FAM227A: variants seen among roughly 807,000 people sequenced by gnomAD.
FAM227A encodes the protein family with sequence similarity 227 member A.
FAM227A carries 80 observed loss-of-function variants against 74.7 expected under a neutral mutation model. The observed-to-expected ratio is 1.07, with a 90% CI of 0.89 to 1.29. The LOEUF (loss-of-function observed/expected upper bound fraction) is 1.29, where lower values mean the gene tolerates loss of function less well. Ranked by LOEUF, FAM227A falls within the 50% of genes most tolerant of loss-of-function variation. The pLI, the probability that FAM227A is intolerant of heterozygous loss-of-function variation, is 0.00. For synonymous variants in FAM227A, 237 were observed against 241.8 expected (o/e 0.98, Z 0.19); for missense variants, 654 against 683.4 (o/e 0.96, Z 0.48).
At chr22:38,604,350 A>T (rs942959314) in intron 13 of FAM227A, among the ~76,000 whole-genome samples, 40 of 152,100 alleles carry the variant, frequency 2.6e-4, no homozygotes, top group African/African-American at 9.7e-4. Flanking sequence ...AAAAAACAAG[A>T]AATCTACATT....
chr22:38,596,596 T>C (rs749645710), intron 15 of FAM227A, among the ~76,000 whole-genome samples: 8 of 152,156 alleles, frequency 5.3e-5, no homozygotes, highest in Non-Finnish European at 1.0e-4. Flanking sequence ...GAATTTGGAT[T>C]AGCTATTAGA....
At chr22:38,603,487 C>CAA (rs71197122) in intron 13 of FAM227A, among the ~76,000 whole-genome samples, 4,472 of 122,956 alleles carry the variant, frequency 0.036, 238 homozygotes, top group African/African-American at 0.12. Flanking sequence ...GACTCCGTCT[C>CAA]AAAAAAAAAA....
rs1200244868 is a variant in FAM227A, at chr22:38,580,137, T to C, written c.*5988A>G. 6.6e-6 allele frequency: 1 copy of C among 152,232 alleles called. No individual in the cohort carries two copies. The highest frequency in any genetic ancestry group is 1.9e-4 in the East Asian group (1 of 5,202). 9.4% of individuals were successfully genotyped at this position (152,232 alleles called of 1,614,324 possible). A position where few individuals can be genotyped will look rare whatever the true frequency, so the allele number is the denominator to read the frequency against. On this transcript the variant is annotated 3_prime_UTR_variant, in exon 17 of 17. Transcript: ENST00000535113. ...GGTCTCACTATGTTACCCGGTTTGG[T>C]CTCACCTCCTGGGCTCTAGGGGTTC...
chr22:38,595,531 T>C (rs967736540), intron 15 of FAM227A, among the ~76,000 whole-genome samples: 9 of 152,226 alleles, frequency 5.9e-5, no homozygotes, highest in Admixed American at 2.6e-4. Flanking sequence ...TAATAGTTAA[T>C]CAGGCAAAGA....
chr22:38,641,950 TG>T (rs1206144523), intron 3 of FAM227A, among the ~76,000 whole-genome samples: 1 of 122,958 alleles, frequency 8.1e-6, no homozygotes, highest in Non-Finnish European at 1.7e-5. Flanking sequence ...CCCGAAAAGG[TG>T]TGTGTGTGTG....
At chr22:38,640,111 G>C (rs938046422) in intron 3 of FAM227A, among the ~76,000 whole-genome samples, 1 of 151,754 alleles carries the variant, frequency 6.6e-6, no homozygotes, top group African/African-American at 2.4e-5. Flanking sequence ...TCGGCTCACT[G>C]CAAGCTCCGC....
chr22:38,619,760 A>C (rs1349384852), intron 11 of FAM227A, among the ~76,000 whole-genome samples: 1 of 152,202 alleles, frequency 6.6e-6, no homozygotes, highest in African/African-American at 2.4e-5. Flanking sequence ...TGCCTACTGC[A>C]GTAGTGATGG....
intron 11 of FAM227A, among the ~76,000 whole-genome samples, chr22:38,607,693 C>A (rs1602921001): frequency 6.6e-6 from 1 of 152,272 alleles, no homozygotes; most frequent in East Asian, 1.9e-4. Context: ...GGCTGGGGAC[C>A]CAGGGCAACC....
intron 3 of FAM227A, among the ~76,000 whole-genome samples, chr22:38,645,205 C>T (rs2092210427): frequency 1.3e-5 from 2 of 151,842 alleles, no homozygotes; most frequent in Admixed American, 1.3e-4. Flanking sequence ...TCCTGGCCAA[C>T]ATGGTGAAAC....
chr22:38,650,055 C>T lies in FAM227A; in HGVS notation c.114G>A (p.Val38=), dbSNP rs547144401. The change falls in exon 2 of 17, where the codon GTG becomes GTA. Residue 38 remains valine (V), a synonymous_variant. Coordinates refer to ENST00000535113, the MANE Select transcript of FAM227A (RefSeq NM_001013647.2). ...GTGGATTGTTCTCTAACTCCTTCCTCACAGTCTTCACCATTGTATTCCGTG... is the reference window on the plus strand; with the variant it reads ...GTGGATTGTTCTCTAACTCCTTCCTTACAGTCTTCACCATTGTATTCCGTG... ...LVARNTMVKT[V]RKELENNPPS... is the part of the protein sequence containing the mutation. The T allele has an allele frequency of 4.5e-5, 70 of 1,552,220 alleles. No homozygotes were observed. The South Asian group carries it at 7.0e-4, about 16-fold the overall frequency.
intron 1 of FAM227A, among the ~76,000 whole-genome samples, chr22:38,655,115 G>A (rs1435525262): frequency 2.6e-5 from 4 of 150,946 alleles, no homozygotes; most frequent in Admixed American, 6.6e-5. Flanking sequence ...ACTCCAGCCT[G>A]GGCGACAGAG....
At chr22:38,615,874 G>A (rs897181363) in intron 11 of FAM227A, among the ~76,000 whole-genome samples, 5 of 152,186 alleles carry the variant, frequency 3.3e-5, no homozygotes, top group East Asian at 3.8e-4. Context: ...AGGCAAGAGA[G>A]GACACTGAGG....
At chr22:38,587,370 T>C (rs1480041989) in intron 16 of FAM227A, among the ~76,000 whole-genome samples, 4 of 152,116 alleles carry the variant, frequency 2.6e-5, no homozygotes, top group Non-Finnish European at 5.9e-5. Context: ...TGAGTTTGAA[T>C]GACTACCAAG....
At position 38,582,765 on chromosome 22, in the gene FAM227A, G is replaced by A; in HGVS notation, c.*3360C>T. 6.7e-7 allele frequency: 1 copy of A among 1,482,700 alleles called. No individual in the cohort carries two copies. The highest frequency in any genetic ancestry group is 9.2e-7 in the Non-Finnish European group (1 of 1,089,368). The allele number at this position is 1,482,700 out of a possible 1,614,324, so 91.8% of individuals were successfully genotyped here. On this transcript the variant is annotated 3_prime_UTR_variant, in exon 17 of 17. Transcript: ENST00000535113. ...GGGGGCTAATAGTAGCGGTGGATAG[G>A]TAGACAGGCAATTCCAATCTACTAT...
chr22:38,626,389 T>TTA (rs2091801180), intron 8 of FAM227A, 86 bp from the exon 9 acceptor site: 8 of 1,435,378 alleles, frequency 5.6e-6, no homozygotes, highest in Non-Finnish European at 7.4e-6. Context: ...CTTTCTTTTT[T>TTA]TATATATAGT....
chr22:38,586,717 G>A (rs919798951), intron 16 of FAM227A, among the ~76,000 whole-genome samples: 5 of 152,016 alleles, frequency 3.3e-5, no homozygotes, highest in African/African-American at 1.2e-4. Flanking sequence ...TTGCCAGGCT[G>A]GAGTGCAGTG....
intron 6 of FAM227A, among the ~76,000 whole-genome samples, chr22:38,631,373 C>T (rs1056190463): frequency 4.0e-5 from 6 of 151,748 alleles, no homozygotes; most frequent in Non-Finnish European, 8.8e-5. Context: ...ACAATAGACA[C>T]GGGGGACTCT....
At chr22:38,621,383 C>A (rs1416504401) in intron 10 of FAM227A, among the ~76,000 whole-genome samples, 41 of 133,848 alleles carry the variant, frequency 3.1e-4, no homozygotes, top group South Asian at 4.8e-4. Flanking sequence ...GAAAAGAAAA[C>A]AAGAAAAAAA....
chr22:38,642,467 A>G (rs539707763), intron 3 of FAM227A, among the ~76,000 whole-genome samples: 4 of 152,354 alleles, frequency 2.6e-5, no homozygotes, highest in South Asian at 2.1e-4. Flanking sequence ...GGGTTTGGCC[A>G]TGACTTTTTA....
Sources: gnomAD v4.1 joint callset for allele counts (sites outside exome capture counted in the v4.1 genomes callset) on GRCh38, gnomAD v4.1.1 for gene constraint, MANE v1.5 for transcripts, NCBI Gene and HGNC (gene_info 2026-07-23, HGNC 2026-07-21) for gene names.